INPP5A: variants seen among roughly 807,000 people sequenced by gnomAD.
INPP5A encodes inositol polyphosphate-5-phosphatase A.
Under a neutral mutation model 65.2 loss-of-function variants are expected in INPP5A, and 14 were observed. The observed-to-expected ratio is 0.21, with a 90% CI of 0.14 to 0.34. The LOEUF (loss-of-function observed/expected upper bound fraction) is 0.34, where lower values mean the gene tolerates loss of function less well. INPP5A is among the 10% of genes least tolerant of loss of function. The pLI, the probability that INPP5A is intolerant of heterozygous loss-of-function variation, is 1.00. For missense variants in INPP5A, 431 were observed against 545.6 expected (o/e 0.79, Z 2.09); for synonymous variants, 207 against 208.3 (o/e 0.99, Z 0.05).
intron 1 of INPP5A, among the ~76,000 whole-genome samples, chr10:132,552,417 T>C (rs1274690870): frequency 7.2e-6 from 1 of 139,602 alleles, no homozygotes; most frequent in African/African-American, 2.8e-5. Flanking sequence ...GTGAACGCCT[T>C]CTCAGAGCCT....
chr10:132,579,169 G>GAA (rs2071448840), intron 1 of INPP5A, among the ~76,000 whole-genome samples: 1 of 152,082 alleles, frequency 6.6e-6, no homozygotes, highest in Admixed American at 6.5e-5. Flanking sequence ...GCCGGTTGCG[G>GAA]GCTCCAAGCT....
At chr10:132,756,553 C>T (rs959133806) in intron 11 of INPP5A, among the ~76,000 whole-genome samples, 4 of 152,166 alleles carry the variant, frequency 2.6e-5, no homozygotes, top group Admixed American at 6.5e-5. Flanking sequence ...GACATCACAG[C>T]GTGGCGGCAC....
chr10:132,595,191 CAG>C (rs1454720576), intron 1 of INPP5A, among the ~76,000 whole-genome samples: 3 of 152,220 alleles, frequency 2.0e-5, no homozygotes, highest in East Asian at 1.9e-4. Context: ...CGCGGACCCT[CAG>C]GGGCCAGCTG....
At chr10:132,544,982 A>G (rs2070951070) in intron 1 of INPP5A, among the ~76,000 whole-genome samples, 1 of 152,078 alleles carries the variant, frequency 6.6e-6, no homozygotes, top group African/African-American at 2.4e-5. Flanking sequence ...CATGTTTTGA[A>G]GTAAGCACCC....
At chr10:132,764,791 ACGGT>A (rs1846807540) in intron 11 of INPP5A, among the ~76,000 whole-genome samples, 1 of 132,128 alleles carries the variant, frequency 7.6e-6, no homozygotes, top group Non-Finnish European at 1.6e-5. Context: ...ACTCAGAAAC[ACGGT>A]CGGGCCAGTC....
intron 2 of INPP5A, among the ~76,000 whole-genome samples, chr10:132,631,629 T>C (rs1416963968): frequency 6.6e-6 from 1 of 152,204 alleles, no homozygotes; most frequent in African/African-American, 2.4e-5. Context: ...CACCGAGTCT[T>C]GGCCGTGCCG....
chr10:132,704,193 T>C lies in INPP5A; in HGVS notation c.475-4120T>C, dbSNP rs1845494955. On this transcript the variant is annotated intron_variant, in intron 6 of 15. Coordinates refer to ENST00000368594, the MANE Select transcript of INPP5A (RefSeq NM_005539.5). The surrounding 1 kb of genome is among the most constrained non-coding windows in gnomAD (Gnocchi z 4.5). ...CTGCTGGTGCTCTAGGGGAGTCGTG[T>C]ATTGAGGCGCCTTGGCCTGCAGGGA... 1.3e-5 allele frequency among the ~76,000 whole-genome samples: 2 copies of C among 151,776 alleles called. No individual in the cohort carries two copies.
chr10:132,735,503 A>G (rs1304246612), intron 9 of INPP5A, among the ~76,000 whole-genome samples: 1 of 152,240 alleles, frequency 6.6e-6, no homozygotes, highest in Non-Finnish European at 1.5e-5. Flanking sequence ...ACGAAGGGAC[A>G]CGTGAGTGTA....
chr10:132,758,780 TGAG>T (rs1846678217), intron 11 of INPP5A, among the ~76,000 whole-genome samples: 1 of 152,188 alleles, frequency 6.6e-6, no homozygotes, highest in African/African-American at 2.4e-5. Context: ...TCTCCTCTCA[TGAG>T]GAGCACAAGG....
intron 4 of INPP5A, among the ~76,000 whole-genome samples, chr10:132,677,653 C>A (rs964591717): frequency 1.3e-5 from 2 of 152,160 alleles, no homozygotes; most frequent in Non-Finnish European, 2.9e-5. Flanking sequence ...CCGTGGTAAT[C>A]GGAAATGTTA....
In INPP5A at chr10:132,771,780, GGA is replaced by G. The variant is rs1591003093; in HGVS notation, c.978-5890_978-5889del. On this transcript the variant is annotated intron_variant, in intron 12 of 15. Transcript: ENST00000368594. The stretch of plus-strand genomic sequence containing the variant: ...GCAGCCACCCCATGAAGAGTGGGAC[GGA>G]CACTCAGCACTGACACGGAGGCCCA... Among the ~76,000 whole-genome samples, 9 of 97,622 alleles carry G rather than the reference GGA, an allele frequency of 9.2e-5. 1 individual carries two copies. The highest frequency in any genetic ancestry group is 7.3e-4 in the South Asian group (2 of 2,746). 64.0% of individuals were successfully genotyped at this position (97,622 alleles called of 152,430 possible). A position where few individuals can be genotyped will look rare whatever the true frequency, so the allele number is the denominator to read the frequency against.
Position 132,732,808 on chromosome 10 carries a change from C to T in INPP5A, c.732+5903C>T, listed in dbSNP as rs983050792. Among the ~76,000 whole-genome samples, 12 of 152,128 alleles carry T rather than the reference C, an allele frequency of 7.9e-5. No individual in the cohort carries two copies. In the East Asian group the frequency reaches 1.5e-3, roughly 20 times the overall value. ...GGGCCGCAGACACGTGCAGGCTCTC[C>T]GGAGGGTCACGGCCTGTCTTCTGTT... On this transcript the variant is annotated intron_variant, in intron 9 of 15. Coordinates refer to ENST00000368594, the MANE Select transcript of INPP5A (RefSeq NM_005539.5).
intron 12 of INPP5A, among the ~76,000 whole-genome samples, chr10:132,766,927 C>T (rs568859469): frequency 4.4e-4 from 55 of 123,714 alleles, no homozygotes; most frequent in Middle Eastern, 6.4e-3. Flanking sequence ...GGGTGGGAGC[C>T]GGAGGTGCGG....
intron 4 of INPP5A, among the ~76,000 whole-genome samples, chr10:132,661,266 A>G (rs1021681332): frequency 6.6e-5 from 10 of 152,266 alleles, no homozygotes; most frequent in Admixed American, 6.5e-4. Flanking sequence ...TCCTTCAGGA[A>G]GAAAAAGGCA....
intron 11 of INPP5A, among the ~76,000 whole-genome samples, chr10:132,756,847 C>T (rs1235489371): frequency 6.6e-6 from 1 of 152,210 alleles, no homozygotes; most frequent in Non-Finnish European, 1.5e-5. Flanking sequence ...AGGGCCTTTC[C>T]GTGGGACGCA....
chr10:132,760,683 C>T (rs1393366123), intron 11 of INPP5A, among the ~76,000 whole-genome samples: 1 of 152,206 alleles, frequency 6.6e-6, no homozygotes, highest in African/African-American at 2.4e-5. Context: ...GTGACTGTGG[C>T]GCAGCGTGTG....
At chr10:132,759,687 T>C (rs1190284962) in intron 11 of INPP5A, among the ~76,000 whole-genome samples, 1 of 151,838 alleles carries the variant, frequency 6.6e-6, no homozygotes, top group African/African-American at 2.4e-5. Context: ...GTGAACAGTC[T>C]GTGTTCTATG....
intron 1 of INPP5A, among the ~76,000 whole-genome samples, chr10:132,570,060 A>G (rs2071321291): frequency 6.7e-6 from 1 of 148,304 alleles, no homozygotes; most frequent in African/African-American, 2.5e-5. Flanking sequence ...TCAGTCTCCC[A>G]AAGTGCTGAG....
At chr10:132,701,814 G>A (rs1228867932) in intron 6 of INPP5A, among the ~76,000 whole-genome samples, 3 of 152,244 alleles carry the variant, frequency 2.0e-5, no homozygotes, top group Admixed American at 6.5e-5. Context: ...GTGGGGCGTC[G>A]GGAGGCGGGG....
Sources: gnomAD v4.1 joint callset for allele counts (sites outside exome capture counted in the v4.1 genomes callset) on GRCh38, gnomAD v4.1.1 for gene constraint, Gnocchi (gnomAD v3.1) non-coding constraint, MANE v1.5 for transcripts, NCBI Gene and HGNC (gene_info 2026-07-23, HGNC 2026-07-21) for gene names.